The following MTUS1 variants were observed in gnomAD, a reference collection of about 807,000 sequenced individuals.
The protein encoded by MTUS1 is microtubule associated scaffold protein 1, also known as microtubule-associated tumor suppressor 1.
Under a neutral mutation model 120.8 loss-of-function variants are expected in MTUS1, and 109 were observed. The ratio of observed to expected loss-of-function variants is 0.90; its 90% CI spans 0.77 to 1.06. The LOEUF (loss-of-function observed/expected upper bound fraction) is 1.06, where lower values mean the gene tolerates loss of function less well. Among genes scored for constraint, MTUS1 ranks in the 50% least tolerant of loss-of-function variants. The pLI is 0.00. For synonymous variants in MTUS1, 737 were observed against 550.5 expected, an observed-to-expected ratio of 1.34 and a Z score of -4.74; for missense variants, 2,210 against 1,486.3, an observed-to-expected ratio of 1.49 and a Z score of -8.01.
At chr8:17,657,316 C>T (rs796255004) in intron 8 of MTUS1, among the ~76,000 whole-genome samples, 6 of 151,658 alleles carry the variant, frequency 4.0e-5, no homozygotes, top group African/African-American at 1.2e-4. Flanking sequence ...CGCCTGTAAT[C>T]CCAGCACTTT....
At chr8:17,663,609 T>TGTTTTG (rs11463390) in intron 8 of MTUS1, among the ~76,000 whole-genome samples, 1,856 of 151,390 alleles carry the variant, frequency 0.012, 25 homozygotes, top group Non-Finnish European at 0.019. Flanking sequence ...TGTTTTGTTT[T>TGTTTTG]TTTTGAGACA....
intron 1 of MTUS1, among the ~76,000 whole-genome samples, chr8:17,775,783 G>C (rs1349629741): frequency 6.6e-6 from 1 of 152,266 alleles, no homozygotes; most frequent in Non-Finnish European, 1.5e-5. Flanking sequence ...CTCAGGTACA[G>C]TCTCCTGGTG....
intron 8 of MTUS1, among the ~76,000 whole-genome samples, chr8:17,663,097 T>A (rs949650576): frequency 6.7e-6 from 1 of 149,594 alleles, no homozygotes; most frequent in African/African-American, 2.4e-5. Flanking sequence ...CTTTAAGTTT[T>A]GCTTTTCAAG....
chr8:17,781,593 T>C (rs1187647631), intron 1 of MTUS1, among the ~76,000 whole-genome samples: 3 of 152,166 alleles, frequency 2.0e-5, no homozygotes, highest in Non-Finnish European at 4.4e-5. Context: ...CTAACTTCAA[T>C]ATTTACTTTC....
chr8:17,649,796 C>G, intron 13 of MTUS1, 50 bp downstream of exon 13: 1 of 1,020,502 alleles, frequency 9.8e-7, no homozygotes, highest in Non-Finnish European at 1.6e-6. Flanking sequence ...CTCAATTTCA[C>G]ACATATTACC....
chr8:17,676,622 C>A, intron 7 of MTUS1: 1 of 391,384 alleles, frequency 2.6e-6, no homozygotes, highest in Non-Finnish European at 4.5e-6. Context: ...TGATCGATTG[C>A]CATTTAGTTA....
intron 1 of MTUS1, among the ~76,000 whole-genome samples, chr8:17,784,731 A>C (rs2051156753): frequency 6.6e-6 from 1 of 151,938 alleles, no homozygotes; most frequent in South Asian, 2.1e-4. Context: ...CATTTCTCAC[A>C]CCACTCTGTC....
rs1240978510 is a variant in MTUS1 at position 17,643,943 on chromosome 8, C to G, written c.*1983G>C. 3.9e-5 allele frequency: 6 copies of G among 152,188 alleles called. No homozygotes were observed. The highest frequency in any genetic ancestry group is 1.2e-4 in the African/African-American group (5 of 41,442). 9.4% of individuals were successfully genotyped at this position (152,188 alleles called of 1,614,324 possible). ...TTCTACATGAAACATTTGGTTTAAA[C>G]AAAATCTTAAGAATTCTCTATTTTG... is the stretch of plus-strand genomic sequence containing the variant. On this transcript the variant is annotated 3_prime_UTR_variant, in exon 15 of 15. Transcript: ENST00000693296.
chr8:17,771,384 A>G (rs2050012109), intron 1 of MTUS1, among the ~76,000 whole-genome samples: 1 of 152,330 alleles, frequency 6.6e-6, no homozygotes, highest in South Asian at 2.1e-4. Flanking sequence ...AACAAAATAA[A>G]TTTATGCTCC....
intron 3 of MTUS1, among the ~76,000 whole-genome samples, chr8:17,732,897 A>G (rs937732125): frequency 2.0e-5 from 3 of 152,100 alleles, no homozygotes; most frequent in African/African-American, 7.2e-5. Context: ...CCGAGAAAAC[A>G]TAACCTCCTG....
intron 6 of MTUS1, chr8:17,706,014 G>T (rs563432957): frequency 6.6e-6 from 1 of 152,062 alleles, no homozygotes; most frequent in Admixed American, 6.6e-5. Context: ...CAATCTTGCA[G>T]CGTCATAACG....
At chr8:17,789,644 C>T (rs1316109562) in intron 1 of MTUS1, among the ~76,000 whole-genome samples, 1 of 152,182 alleles carries the variant, frequency 6.6e-6, no homozygotes, top group Non-Finnish European at 1.5e-5. Context: ...TACCTCCCAA[C>T]CTTTATTAAA....
intron 3 of MTUS1, among the ~76,000 whole-genome samples, chr8:17,740,997 C>T (rs1358667300): frequency 6.6e-6 from 1 of 152,138 alleles, no homozygotes; most frequent in Non-Finnish European, 1.5e-5. Flanking sequence ...TCCCCAATAG[C>T]TGGGATTACA....
intron 5 of MTUS1, among the ~76,000 whole-genome samples, 174 bp downstream of exon 5, chr8:17,715,593 C>G (rs1047024381): frequency 6.6e-6 from 1 of 152,162 alleles, no homozygotes; most frequent in African/African-American, 2.4e-5. Flanking sequence ...TAGAACCTAC[C>G]AACTGTCAGA....
At chr8:17,702,707 C>G (rs759482985) in intron 6 of MTUS1, among the ~76,000 whole-genome samples, 1 of 152,136 alleles carries the variant, frequency 6.6e-6, no homozygotes, top group African/African-American at 2.4e-5. Context: ...GCAGGACTTT[C>G]TTCTTTTTAA....
At chr8:17,779,019 C>G (rs2050672099) in intron 1 of MTUS1, among the ~76,000 whole-genome samples, 1 of 152,076 alleles carries the variant, frequency 6.6e-6, no homozygotes, top group Non-Finnish European at 1.5e-5. Flanking sequence ...ACTATACAAA[C>G]AAACTACAGG....
chr8:17,646,444 C>T (rs1805806981), intron 14 of MTUS1, among the ~76,000 whole-genome samples: 1 of 152,026 alleles, frequency 6.6e-6, no homozygotes, highest in Middle Eastern at 3.2e-3. Flanking sequence ...AAAAATTAGT[C>T]ACGCATGGTG....
rs1052909027 is a variant in MTUS1 at position 17,645,235 on chromosome 8, A to G, written c.*691T>C. 3.3e-5 allele frequency: 5 copies of G among 152,610 alleles called. No homozygotes were observed. Among genetic ancestry groups the G allele is most frequent in the Admixed American group, 6.5e-5 (1 of 15,288 alleles). The allele number at this position is 152,610 out of a possible 1,614,324, so 9.5% of individuals were successfully genotyped here. A position where few individuals can be genotyped will look rare whatever the true frequency, so the allele number is the denominator to read the frequency against. ...AAAAACTGCCAAGAAGTTACCCCCAAAAGATACAGAGAATGTATAGACAGG... is the reference window on the plus strand; with the variant it reads ...AAAAACTGCCAAGAAGTTACCCCCAGAAGATACAGAGAATGTATAGACAGG... On this transcript the variant is annotated 3_prime_UTR_variant, in exon 15 of 15. Coordinates refer to ENST00000693296, the MANE Select transcript of MTUS1 (RefSeq NM_001363059.2).
In MTUS1 at chr8:17,763,479, T is replaced by G. The variant is rs898669788; in HGVS notation, c.-154-7518A>C. On this transcript the variant is annotated intron_variant, in intron 1 of 14. Coordinates refer to ENST00000693296, the MANE Select transcript of MTUS1 (RefSeq NM_001363059.2). ...GGGAGTTTAATTTGTATAACACTCC[T>G]GGCTTTTGACTCACTCCATCCAGGA... is the stretch of plus-strand genomic sequence containing the variant. Among the ~76,000 whole-genome samples, 14 of 152,188 alleles carry G rather than the reference T, an allele frequency of 9.2e-5. 1 individual carries two copies. The highest frequency in any genetic ancestry group is 6.2e-4 in the South Asian group (3 of 4,830).
Sources: gnomAD v4.1 joint callset for allele counts (sites outside exome capture counted in the v4.1 genomes callset) on GRCh38, gnomAD v4.1.1 for gene constraint, MANE v1.5 for transcripts, NCBI Gene and HGNC (gene_info 2026-07-23, HGNC 2026-07-21) for gene names.